Variants in EPHA6 observed in about 807,000 individuals in gnomAD.
The protein encoded by EPHA6 is EPH receptor A6.
In EPHA6, 50 loss-of-function variants were observed where a neutral mutation model predicts 112.0. That is an observed-to-expected ratio of 0.45 (90% confidence interval 0.36 to 0.56). The LOEUF (loss-of-function observed/expected upper bound fraction) is 0.56, where lower values mean the gene tolerates loss of function less well. Ranked by LOEUF, EPHA6 falls within the 20% of genes least tolerant of loss-of-function variation. EPHA6 has a pLI of 0.00. For missense variants in EPHA6, 1,280 were observed against 1,417.4 expected, an observed-to-expected ratio of 0.90 and a Z score of 1.56; for synonymous variants, 529 against 490.7, an observed-to-expected ratio of 1.08 and a Z score of -1.03.
At chr3:97,407,595 C>G (rs1177785114) in intron 6 of EPHA6, among the ~76,000 whole-genome samples, 1 of 151,960 alleles carries the variant, frequency 6.6e-6, no homozygotes, top group Non-Finnish European at 1.5e-5. Context: ...ATTACATTCC[C>G]TAATTTTTAG....
At chr3:97,395,546 C>T (rs1047979785) in intron 5 of EPHA6, among the ~76,000 whole-genome samples, 1 of 151,670 alleles carries the variant, frequency 6.6e-6, no homozygotes, top group African/African-American at 2.4e-5. Context: ...TTCTGCTTTG[C>T]AATTATACCC....
intron 11 of EPHA6, among the ~76,000 whole-genome samples, chr3:97,580,026 C>T (rs1397185690): frequency 6.6e-6 from 1 of 152,120 alleles, no homozygotes; most frequent in African/African-American, 2.4e-5. Context: ...TTAACTCAGT[C>T]CTATTCTCTT....
chr3:97,613,928 T>C (rs904031337), intron 13 of EPHA6, among the ~76,000 whole-genome samples: 9 of 152,170 alleles, frequency 5.9e-5, no homozygotes, highest in African/African-American at 2.2e-4. Context: ...ATACAGGCTT[T>C]TTCCAGCTAC....
intron 3 of EPHA6, among the ~76,000 whole-genome samples, chr3:97,183,444 A>G (rs2077043279): frequency 6.6e-6 from 1 of 152,214 alleles, no homozygotes; most frequent in Admixed American, 6.5e-5. Flanking sequence ...TTGTACATCT[A>G]CATTTTCTGG....
chr3:97,655,648 T>G (rs1294401470), intron 14 of EPHA6, among the ~76,000 whole-genome samples: 3 of 150,724 alleles, frequency 2.0e-5, no homozygotes, highest in African/African-American at 7.3e-5. Flanking sequence ...TACCCAGTAA[T>G]GGGATGGCTG....
intron 5 of EPHA6, among the ~76,000 whole-genome samples, chr3:97,393,239 T>A (rs1577219351): frequency 6.6e-6 from 1 of 151,944 alleles, no homozygotes. Flanking sequence ...GTCAGAAGAA[T>A]CTCAGAGTGG....
rs183530360 is a variant in EPHA6 at position 97,083,123 on chromosome 3, T to G, written c.1114+95130T>G. ...TAAGAATTAACAGTTGTGCTTAATC[T>G]CCTTCAACTTATTTTAACAAGTGTC... On this transcript the variant is annotated intron_variant, in intron 3 of 17. Transcript: ENST00000389672. 3.3e-5 allele frequency among the ~76,000 whole-genome samples: 5 copies of G among 152,078 alleles called. No individual in the cohort carries two copies. In the East Asian group the frequency reaches 9.6e-4, roughly 29 times the overall value.
intron 5 of EPHA6, among the ~76,000 whole-genome samples, chr3:97,354,181 C>G (rs761337670): frequency 3.9e-5 from 6 of 152,142 alleles, no homozygotes; most frequent in Non-Finnish European, 7.4e-5. Flanking sequence ...TGAATATAAA[C>G]AAGCCCAGAC....
intron 2 of EPHA6, among the ~76,000 whole-genome samples, chr3:96,943,374 A>C (rs1436968517): frequency 6.6e-6 from 1 of 152,214 alleles, no homozygotes; most frequent in Non-Finnish European, 1.5e-5. Flanking sequence ...ACATATATCA[A>C]AACATTATAC....
In EPHA6 at chr3:97,720,261, G is replaced by A. The variant is rs751185489; in HGVS notation, c.2785G>A (p.Gly929Ser). 1.3e-6 allele frequency: 2 copies of A among 1,572,918 alleles called. No individual in the cohort carries two copies. Among genetic ancestry groups the A allele is most frequent in the Admixed American group, 1.9e-5 (1 of 52,426 alleles). ...DDPEAAYTTT[G>S]GKIPIRWTAP... ...AAGAAATCTCCAATTTGTTTTCCAG[G>A]GTGGAAAAATCCCCATAAGGTGGAC... Residue 929 changes from glycine (G) to serine (S), a missense_variant and splice_region_variant, in exon 15 of 18, where the codon GGT becomes AGT. This residue lies in a region of EPHA6 where 878 missense variants were observed against 999.7 expected (regional missense o/e 0.88). Transcript: ENST00000389672.
At chr3:97,082,897 C>T (rs1215049630) in intron 3 of EPHA6, among the ~76,000 whole-genome samples, 4 of 151,888 alleles carry the variant, frequency 2.6e-5, no homozygotes, top group African/African-American at 9.7e-5. Flanking sequence ...TTACTATAAT[C>T]ATTTTGAAAG....
chr3:97,521,866 A>G (rs948769706), intron 10 of EPHA6, among the ~76,000 whole-genome samples: 2 of 149,714 alleles, frequency 1.3e-5, no homozygotes, highest in African/African-American at 2.5e-5. Flanking sequence ...AATGGTCAAT[A>G]TGATCTGCAA....
At chr3:97,370,272 T>G in intron 5 of EPHA6, among the ~76,000 whole-genome samples, 1 of 151,968 alleles carries the variant, frequency 6.6e-6, no homozygotes, top group African/African-American at 2.4e-5. Flanking sequence ...TAATAATTGC[T>G]TCTTCATTCA....
At chr3:97,224,402 G>A (rs1255500864) in intron 3 of EPHA6, among the ~76,000 whole-genome samples, 1 of 152,120 alleles carries the variant, frequency 6.6e-6, no homozygotes, top group African/African-American at 2.4e-5. Context: ...TAAGAAGTGG[G>A]AAATTAACAG....
At chr3:97,542,808 C>T (rs1296030313) in intron 11 of EPHA6, among the ~76,000 whole-genome samples, 3 of 152,136 alleles carry the variant, frequency 2.0e-5, no homozygotes, top group African/African-American at 7.2e-5. Flanking sequence ...GAGATGGTAT[C>T]CCATTGTGGT....
intron 13 of EPHA6, among the ~76,000 whole-genome samples, chr3:97,613,278 T>C (rs1287214546): frequency 6.6e-6 from 1 of 152,032 alleles, no homozygotes; most frequent in Non-Finnish European, 1.5e-5. Flanking sequence ...GCAAAGTCAT[T>C]TTTCAAACTA....
At chr3:97,018,319 A>G (rs1397042102) in intron 3 of EPHA6, among the ~76,000 whole-genome samples, 1 of 152,034 alleles carries the variant, frequency 6.6e-6, no homozygotes, top group African/African-American at 2.4e-5. Flanking sequence ...GAGTGTAGAA[A>G]TAAAGACACA....
chr3:97,738,616 C>G (rs993290060), intron 16 of EPHA6, among the ~76,000 whole-genome samples: 13 of 151,900 alleles, frequency 8.6e-5, no homozygotes, highest in Non-Finnish European at 1.9e-4. Context: ...ATCTGAGGGC[C>G]AGAGATCTGT....
chr3:97,550,109 G>C (rs576224679), intron 11 of EPHA6, among the ~76,000 whole-genome samples: 1 of 152,222 alleles, frequency 6.6e-6, no homozygotes, highest in Admixed American at 6.5e-5. Context: ...TTCATCTGTA[G>C]GAGGCCAAGT....
Sources: gnomAD v4.1 joint callset for allele counts (sites outside exome capture counted in the v4.1 genomes callset) on GRCh38, gnomAD v4.1.1 for gene constraint, gnomAD v4.1.1 regional missense constraint, MANE v1.5 for transcripts, NCBI Gene and HGNC (gene_info 2026-07-23, HGNC 2026-07-21) for gene names.